GRM5: variants seen among roughly 807,000 people sequenced by gnomAD.
The protein encoded by GRM5 is metabotropic glutamate receptor 5.
In GRM5, 19 loss-of-function variants were observed where a neutral mutation model predicts 83.1. The observed-to-expected ratio is 0.23, with a 90% confidence interval of 0.16 to 0.34. The LOEUF (loss-of-function observed/expected upper bound fraction) is 0.34. Among genes scored for constraint, GRM5 ranks in the 10% least tolerant of loss-of-function variants. The pLI is 1.00. For synonymous variants in GRM5, 675 were observed against 633.6 expected, an observed-to-expected ratio of 1.07 and a Z score of -0.98; for missense variants, 1,160 against 1,588.3, an observed-to-expected ratio of 0.73 and a Z score of 4.58.
At chr11:88,610,624 T>A (rs960547216) in intron 4 of GRM5, among the ~76,000 whole-genome samples, 1 of 152,134 alleles carries the variant, frequency 6.6e-6, no homozygotes, top group Admixed American at 6.6e-5. Context: ...TCTGGTGCAA[T>A]CTATGGGGTT....
intron 3 of GRM5, among the ~76,000 whole-genome samples, chr11:88,782,504 T>G (rs1164780009): frequency 6.6e-6 from 1 of 152,066 alleles, no homozygotes; most frequent in Non-Finnish European, 1.5e-5. Flanking sequence ...TCCCACGGGG[T>G]CCCTTCCACA....
intron 9 of GRM5, among the ~76,000 whole-genome samples, chr11:88,519,423 A>AT (rs1941617254): frequency 6.8e-6 from 1 of 147,358 alleles, no homozygotes; most frequent in East Asian, 1.9e-4. Flanking sequence ...ATGAGTTCGT[A>AT]TTTTTTTCCT....
chr11:88,799,108 T>C (rs972185754), intron 3 of GRM5, among the ~76,000 whole-genome samples: 11 of 152,110 alleles, frequency 7.2e-5, no homozygotes, highest in African/African-American at 2.7e-4. Context: ...AAAAAGTACA[T>C]GGCCTTCAAC....
At chr11:88,752,327 A>G (rs1334619216) in intron 3 of GRM5, among the ~76,000 whole-genome samples, 1 of 152,148 alleles carries the variant, frequency 6.6e-6, no homozygotes, top group African/African-American at 2.4e-5. Flanking sequence ...GCCAGAAGCC[A>G]ATCATGAATG....
At chr11:88,952,514 C>T (rs1938496079) in intron 2 of GRM5, among the ~76,000 whole-genome samples, 1 of 152,052 alleles carries the variant, frequency 6.6e-6, no homozygotes, top group Non-Finnish European at 1.5e-5. Flanking sequence ...TGTTCTGATG[C>T]AAAATTCATA....
rs112797355 is a variant in GRM5, at chr11:88,665,856, G to GAAA, written c.912-12456_912-12454dup. Among the ~76,000 whole-genome samples, 1,057 of 145,968 alleles carry GAAA rather than the reference G, an allele frequency of 7.2e-3. 7 individuals carry two copies. Among genetic ancestry groups the GAAA allele is most frequent in the Non-Finnish European group, 9.6e-3 (643 of 66,820 alleles). ...GTACTGAGGGGGCCATGATCCAGGA[G>GAAA]AAAAAAAAAAATGGACTGAAGAAAG... On this transcript the variant is annotated intron_variant, in intron 3 of 9. Transcript: ENST00000305447.
chr11:88,883,775 C>G (rs750779507), intron 2 of GRM5, among the ~76,000 whole-genome samples: 13 of 152,128 alleles, frequency 8.5e-5, no homozygotes, highest in Non-Finnish European at 1.9e-4. Context: ...TAGGCGGCCT[C>G]AGGACATGGT....
At chr11:88,882,740 TATTA>T (rs1944981195) in intron 2 of GRM5, among the ~76,000 whole-genome samples, 1 of 152,126 alleles carries the variant, frequency 6.6e-6, no homozygotes, top group Non-Finnish European at 1.5e-5. Flanking sequence ...TTATTATTAT[TATTA>T]ATTATTTGTA....
chr11:89,036,004 G>T (rs1941375594), intron 2 of GRM5, among the ~76,000 whole-genome samples: 1 of 150,966 alleles, frequency 6.6e-6, no homozygotes, highest in Non-Finnish European at 1.5e-5. Flanking sequence ...TCTATCTACT[G>T]CTTGTACCTA....
At chr11:88,702,854 AACCATCT>A in intron 3 of GRM5, among the ~76,000 whole-genome samples, 1 of 152,102 alleles carries the variant, frequency 6.6e-6, no homozygotes, top group Non-Finnish European at 1.5e-5. Flanking sequence ...GCTTGAGGTC[AACCATCT>A]GTAGGTCAAT....
chr11:88,923,521 A>C (rs1945729520), intron 2 of GRM5, among the ~76,000 whole-genome samples: 1 of 152,156 alleles, frequency 6.6e-6, no homozygotes, highest in Admixed American at 6.6e-5. Context: ...TAGAGTAGAC[A>C]GTAGAATGAT....
chr11:88,636,967 G>C (rs1011328904), intron 4 of GRM5, among the ~76,000 whole-genome samples: 7 of 152,196 alleles, frequency 4.6e-5, no homozygotes, highest in Non-Finnish European at 1.0e-4. Flanking sequence ...TTGTAGGATA[G>C]TTTGAAGTCA....
intron 3 of GRM5, among the ~76,000 whole-genome samples, chr11:88,702,359 C>G (rs954941372): frequency 2.0e-5 from 3 of 152,016 alleles, no homozygotes; most frequent in Non-Finnish European, 4.4e-5. Flanking sequence ...AGTGAAAGAT[C>G]TCTGTTGCAA....
chr11:88,508,903 T>C lies in GRM5; in HGVS notation c.3328A>G (p.Thr1110Ala), dbSNP rs779017792. Residue 1110 changes from threonine (T) to alanine (A), a missense_variant, in exon 10 of 10, where the codon ACG becomes GCG. By Grantham distance (58) the Thr-to-Ala change is moderately conservative (BLOSUM62 0). Coordinates refer to ENST00000305447, the MANE Select transcript of GRM5 (RefSeq NM_001143831.3). This position sits in a 1 kb window ranked among gnomAD's most constrained non-coding sequence, Gnocchi z 4.2. ...PKEIQLPTTM[T>A]TFAEIQPLPA... ...AGAGGCTGGATTTCGGCAAAGGTCG[T>C]CATGGTCGTGGGCAACTGGATCTCT... 3.8e-5 allele frequency: 60 copies of C among 1,599,748 alleles called. No homozygotes were observed. Among genetic ancestry groups the C allele is most frequent in the Middle Eastern group, 1.7e-4 (1 of 6,038 alleles).
chr11:88,770,545 T>C (rs1942713345), intron 3 of GRM5, among the ~76,000 whole-genome samples: 1 of 152,112 alleles, frequency 6.6e-6, no homozygotes, highest in African/African-American at 2.4e-5. Context: ...GAACAAATGT[T>C]GCTTTTGGTT....
At chr11:88,679,214 C>A (rs1391465662) in intron 3 of GRM5, among the ~76,000 whole-genome samples, 1 of 152,014 alleles carries the variant, frequency 6.6e-6, no homozygotes, top group Non-Finnish European at 1.5e-5. Flanking sequence ...TGGATCATGG[C>A]AATGGAGATG....
At position 89,065,395 on chromosome 11, in the gene GRM5, C is replaced by T. The variant is rs563289279; in HGVS notation, c.-201+381G>A. On this transcript the variant is annotated intron_variant, in intron 1 of 9. Coordinates refer to ENST00000305447, the MANE Select transcript of GRM5 (RefSeq NM_001143831.3). Reference sequence around the variant, plus strand: ...TGGCTCGGATCTTTATCTTTTCCTCCTCTGTTTTTTTTTTTTAGTTCGTTT... The same window carrying T: ...TGGCTCGGATCTTTATCTTTTCCTCTTCTGTTTTTTTTTTTTAGTTCGTTT... Among the ~76,000 whole-genome samples, 50 of 145,742 alleles carry T rather than the reference C, an allele frequency of 3.4e-4. 1 individual carries two copies. The South Asian group carries it at 9.6e-3, about 28-fold the overall frequency.
chr11:88,551,548 T>C (rs3889711), intron 8 of GRM5, among the ~76,000 whole-genome samples: 32,686 of 152,106 alleles, frequency 0.21, 3,655 homozygotes, highest in Middle Eastern at 0.24. Flanking sequence ...TGAGTAAGCA[T>C]GTGACAAGGC....
At chr11:88,678,866 A>T (rs925345232) in intron 3 of GRM5, among the ~76,000 whole-genome samples, 4 of 152,094 alleles carry the variant, frequency 2.6e-5, no homozygotes, top group Non-Finnish European at 5.9e-5. Context: ...AGGAAGAAAA[A>T]GTATCCCATT....
Sources: allele counts gnomAD v4.1 joint callset (sites outside exome capture counted in the v4.1 genomes callset), GRCh38; gene constraint gnomAD v4.1.1; non-coding constraint Gnocchi (gnomAD v3.1); transcripts MANE v1.5; gene names NCBI Gene and HGNC (gene_info 2026-07-23, HGNC 2026-07-21).